CNDP1: variants seen among roughly 807,000 people sequenced by gnomAD.
CNDP1 encodes the protein beta-Ala-His dipeptidase.
A neutral mutation model predicts 58.1 loss-of-function variants in CNDP1; 44 were observed. The observed-to-expected ratio is 0.76, with a 90% confidence interval of 0.60 to 0.97. The LOEUF (loss-of-function observed/expected upper bound fraction) is 0.97, where lower values mean the gene tolerates loss of function less well. CNDP1 is among the 50% of genes least tolerant of loss of function. The probability of loss-of-function intolerance (pLI) is 0.00; values close to 1 mark genes in which losing one functional copy is unlikely to be tolerated. For missense variants in CNDP1, 616 were observed against 655.1 expected, an observed-to-expected ratio of 0.94 and a Z score of 0.65; for synonymous variants, 254 against 252.6, an observed-to-expected ratio of 1.01 and a Z score of -0.05.
intron 1 of CNDP1, among the ~76,000 whole-genome samples, chr18:74,546,758 T>A (rs1980771150): frequency 6.6e-6 from 1 of 152,230 alleles, no homozygotes; most frequent in South Asian, 2.1e-4. Context: ...CTTGCAGCTC[T>A]GCTCAGCGTT....
Position 74,584,563 on chromosome 18 carries a change from T to C in CNDP1, c.*1T>C. 6.2e-7 allele frequency: 1 copy of C among 1,612,382 alleles called. No individual in the cohort carries two copies. Among genetic ancestry groups the C allele is most frequent in the South Asian group, 1.1e-5 (1 of 91,034 alleles). ...CTTAGAGATGGCCCAGCTCCATTAA[T>C]CACAAGAACCTTCTAGTCTGATCTG... On this transcript the variant is annotated 3_prime_UTR_variant, in exon 12 of 12. Transcript: ENST00000358821.
At chr18:74,535,478 T>G (rs1980463164) in intron 1 of CNDP1, among the ~76,000 whole-genome samples, 1 of 152,040 alleles carries the variant, frequency 6.6e-6, no homozygotes, top group South Asian at 2.1e-4. Flanking sequence ...AAGTGGGCTT[T>G]GCCCACCTGC....
At chr18:74,556,907 C>A (rs2144652929) in intron 2 of CNDP1, among the ~76,000 whole-genome samples, 1 of 152,292 alleles carries the variant, frequency 6.6e-6, no homozygotes, top group Admixed American at 6.5e-5. Context: ...TTCATTCATT[C>A]ATTCATTCAA....
chr18:74,568,290 A>G, intron 6 of CNDP1, among the ~76,000 whole-genome samples: 1 of 152,228 alleles, frequency 6.6e-6, no homozygotes, highest in Non-Finnish European at 1.5e-5. Flanking sequence ...AGTGCCTTCT[A>G]TTTGTCAGAT....
In CNDP1 at chr18:74,580,231, T is replaced by C. The variant is rs2144579435; in HGVS notation, c.1269T>C (p.Asp423=). The C allele has an allele frequency of 6.2e-7, 1 of 1,614,212 alleles. No individual in the cohort carries two copies. Among genetic ancestry groups the C allele is most frequent in the Non-Finnish European group, 8.5e-7 (1 of 1,180,022 alleles). Reference sequence around the variant, plus strand: ...TACACCCGTGGATTGCAAATATTGATGACACCCAGTATCTCGCAGCAAAAA... The same window carrying C: ...TACACCCGTGGATTGCAAATATTGACGACACCCAGTATCTCGCAGCAAAAA... The part of the protein sequence containing the change: ...LGLHPWIANI[D]DTQYLAAKRA... The change falls in exon 10 of 12, where the codon GAT becomes GAC. Residue 423 remains aspartate, a synonymous_variant. Coordinates refer to ENST00000358821, the MANE Select transcript of CNDP1 (RefSeq NM_032649.6).
chr18:74,555,432 G>C (rs1334566491), intron 1 of CNDP1, among the ~76,000 whole-genome samples: 2 of 152,156 alleles, frequency 1.3e-5, no homozygotes, highest in African/African-American at 4.8e-5. Flanking sequence ...CTGCACTGGG[G>C]GAGATGTTGC....
intron 1 of CNDP1, among the ~76,000 whole-genome samples, chr18:74,546,318 C>G (rs987261338): frequency 1.3e-5 from 2 of 152,146 alleles, no homozygotes; most frequent in Non-Finnish European, 2.9e-5. Flanking sequence ...TCACACCAGC[C>G]TCATACCCTG....
At chr18:74,577,169 G>T in intron 8 of CNDP1, 140 bp downstream of exon 8, 1 of 759,042 alleles carries the variant, frequency 1.3e-6, no homozygotes, top group Non-Finnish European at 2.0e-6. Flanking sequence ...GCATATTTTT[G>T]ACATTCACAG....
At chr18:74,538,109 G>A (rs1043618443) in intron 1 of CNDP1, among the ~76,000 whole-genome samples, 2 of 152,176 alleles carry the variant, frequency 1.3e-5, no homozygotes, top group Non-Finnish European at 2.9e-5. Context: ...ACTGACATGT[G>A]CAACCATCAC....
intron 7 of CNDP1, among the ~76,000 whole-genome samples, chr18:74,573,156 C>T (rs1281742392): frequency 6.6e-6 from 1 of 151,722 alleles, no homozygotes; most frequent in African/African-American, 2.4e-5. Context: ...ATTATCTATC[C>T]ATCTATCATC....
At chr18:74,560,096 G>T (rs968745003) in intron 3 of CNDP1, among the ~76,000 whole-genome samples, 32 of 138,834 alleles carry the variant, frequency 2.3e-4, no homozygotes, top group Non-Finnish European at 3.8e-4. Flanking sequence ...TGCAACCTCC[G>T]CCTCCCAGGT....
chr18:74,558,699 C>T (rs1981108289), intron 2 of CNDP1, among the ~76,000 whole-genome samples: 1 of 152,094 alleles, frequency 6.6e-6, no homozygotes, highest in African/African-American at 2.4e-5. Flanking sequence ...CGGCTGGGAG[C>T]ATTACTTTCT....
rs573475328 is a variant in CNDP1, at chr18:74,538,762, T to C, written c.24+4071T>C. The stretch of plus-strand genomic sequence containing the variant: ...GAAGTGGTGTCTGGTTGTGGTTTGA[T>C]CTGCATTTCCCAATGCCTAATGATA... On this transcript the variant is annotated intron_variant, in intron 1 of 11. Transcript: ENST00000358821. 2.6e-5 allele frequency among the ~76,000 whole-genome samples: 4 copies of C among 152,342 alleles called. 1 individual carries two copies. Among genetic ancestry groups the C allele is most frequent in the African/African-American group, 9.6e-5 (4 of 41,572 alleles).
intron 1 of CNDP1, among the ~76,000 whole-genome samples, chr18:74,549,536 T>G (rs1340766209): frequency 1.3e-5 from 2 of 151,904 alleles, no homozygotes; most frequent in African/African-American, 4.8e-5. Flanking sequence ...GGAAAAAGAT[T>G]AAAAGGAAAG....
chr18:74,575,938 G>T (rs1421232812), intron 7 of CNDP1, among the ~76,000 whole-genome samples: 2 of 144,386 alleles, frequency 1.4e-5, no homozygotes, highest in Non-Finnish European at 3.0e-5. Flanking sequence ...GGCGTGATCT[G>T]GGCTCACTGC....
intron 1 of CNDP1, among the ~76,000 whole-genome samples, chr18:74,538,520 G>T (rs1279729958): frequency 6.6e-6 from 1 of 152,144 alleles, no homozygotes; most frequent in Admixed American, 6.6e-5. Flanking sequence ...TTTTTGTGTG[G>T]ACATGTATTT....
At chr18:74,560,010 C>CTTTT (rs398033526) in intron 3 of CNDP1, among the ~76,000 whole-genome samples, 41,783 of 120,920 alleles carry the variant, frequency 0.35, 8,438 homozygotes, top group Admixed American at 0.42. Flanking sequence ...CATCTGCATT[C>CTTTT]TTTTTTTTTT....
At chr18:74,577,403 G>C (rs1376209890) in intron 8 of CNDP1, 1 of 161,462 alleles carries the variant, frequency 6.2e-6, no homozygotes, top group African/African-American at 2.4e-5. Flanking sequence ...ACCTCTAACT[G>C]TTCATTTTTC....
chr18:74,573,101 CATCT>C (rs770524638), intron 7 of CNDP1, among the ~76,000 whole-genome samples: 10 of 152,176 alleles, frequency 6.6e-5, no homozygotes, highest in African/African-American at 1.2e-4. Context: ...ATTATCTATC[CATCT>C]ATCTTTCTAT....
Sources: gnomAD v4.1 joint callset for allele counts (sites outside exome capture counted in the v4.1 genomes callset) on GRCh38, gnomAD v4.1.1 for gene constraint, MANE v1.5 for transcripts, NCBI Gene and HGNC (gene_info 2026-07-23, HGNC 2026-07-21) for gene names.